Variants in DMD observed in about 807,000 individuals in gnomAD.
The protein encoded by DMD is dystrophin, also known as mutant dystrophin.
Under a neutral mutation model 330.1 loss-of-function variants are expected in DMD, and 63 were observed. The observed-to-expected ratio is 0.19, with a 90% CI of 0.16 to 0.24. The LOEUF is 0.24. Among genes scored for constraint, DMD ranks in the 10% least tolerant of loss-of-function variants. The pLI is 1.00. For missense variants in DMD, 3,344 were observed against 2,684.1 expected, an observed-to-expected ratio of 1.25 and a Z score of -5.43; for synonymous variants, 1,223 against 959.8, an observed-to-expected ratio of 1.27 and a Z score of -5.07.
Position 31,157,738 on chromosome X carries a change from T to C in DMD, c.10554-10220A>G, listed in dbSNP as rs1384727783. ...TTTCACTCCCTGGCATGCACTGCTA[T>C]ATACTCTTGCCATATATGATCCTAT... On this transcript the variant is annotated intron_variant, in intron 74 of 78. Coordinates refer to ENST00000357033, the MANE Select transcript of DMD (RefSeq NM_004006.3). Among the ~76,000 whole-genome samples the C allele has an allele frequency of 2.7e-5, 3 of 111,108 alleles. No individual in the cohort carries two copies. The East Asian group carries it at 8.4e-4, about 31-fold the overall frequency.
chrX:33,243,693 A>ATTAT (rs1371170411), intron 1 of DMD, among the ~76,000 whole-genome samples: 1 of 112,512 alleles, frequency 8.9e-6, no homozygotes, highest in Non-Finnish European at 1.9e-5. Flanking sequence ...ACAATAAAAC[A>ATTAT]TTATTTAGCC....
At chrX:31,568,027 T>C (rs2075563839) in intron 55 of DMD, among the ~76,000 whole-genome samples, 1 of 111,815 alleles carries the variant, frequency 8.9e-6, no homozygotes, top group African/African-American at 3.2e-5. Context: ...AACCTCCTCC[T>C]TGACCTGGGG....
rs1220963408 is a variant in DMD, at chrX:32,644,208, C to T, written c.1255G>A (p.Glu419Lys). Residue 419 changes from glutamate to lysine, a missense_variant, in exon 11 of 79, where the codon GAA becomes AAA. Transcript: ENST00000357033. The part of the protein sequence containing the change: ...TGKLSEDEET[E>K]VQEQMNLLNS... ...AGGAGATTCATCTGCTCTTGTACTT[C>T]AGTTTCTTCATCTTCTGATAATTTT... is the stretch of plus-strand genomic sequence containing the variant. The T allele has an allele frequency of 1.7e-6, 2 of 1,208,094 alleles. No individual in the cohort carries two copies.
rs1246394111 is a variant in DMD at position 32,173,066 on chromosome X, G to GGGGTGTGT, written c.6438+43849_6438+43850insACACACCC. Among the ~76,000 whole-genome samples, 186 of 89,623 alleles carry GGGGTGTGT rather than the reference G, an allele frequency of 2.1e-3. 2 individuals carry two copies. The highest frequency in any genetic ancestry group is 7.7e-3 in the African/African-American group (179 of 23,172). The allele number at this position is 89,623 out of a possible 115,157, so 77.8% of individuals were successfully genotyped here. On this transcript the variant is annotated intron_variant, in intron 44 of 78. Coordinates refer to ENST00000357033, the MANE Select transcript of DMD (RefSeq NM_004006.3). ...TTTTCAGCTTGTGATACCTGATTTT[G>GGGGTGTGT]GTGTGTGTGTGTGTGTGTGTGTGTG...
rs2052506840 is a variant in DMD at position 32,572,260 on chromosome X, A to G, written c.1812+1270T>C. Among the ~76,000 whole-genome samples, 4 of 111,975 alleles carry G rather than the reference A, an allele frequency of 3.6e-5. No homozygotes were observed. In the South Asian group the frequency reaches 1.5e-3, roughly 41 times the overall value. ...CAAAAAAAATGTATGAAACAAATAAATAGCTGGTAAAATGGTACGTATTTA... is the reference window on the plus strand; with the variant it reads ...CAAAAAAAATGTATGAAACAAATAAGTAGCTGGTAAAATGGTACGTATTTA... On this transcript the variant is annotated intron_variant, in intron 15 of 78. Coordinates refer to ENST00000357033, the MANE Select transcript of DMD (RefSeq NM_004006.3).
chrX:32,410,458 C>T (rs970114431), intron 30 of DMD, among the ~76,000 whole-genome samples: 8 of 111,839 alleles, frequency 7.2e-5, no homozygotes, highest in Non-Finnish European at 9.4e-5. Context: ...TATACTGTTG[C>T]CCAGAACACC....
chrX:32,152,814 C>T (rs911442769), intron 44 of DMD, among the ~76,000 whole-genome samples: 3 of 111,523 alleles, frequency 2.7e-5, no homozygotes, highest in East Asian at 2.8e-4. Flanking sequence ...GACTCTGGCA[C>T]GTTTAAACAT....
rs995468615 is a variant in DMD at position 33,042,648 on chromosome X, A to T, written c.32-22448T>A. Among the ~76,000 whole-genome samples the T allele has an allele frequency of 2.1e-4, 24 of 112,707 alleles. No homozygotes were observed. The Admixed American group carries it at 2.3e-3, about 11-fold the overall frequency. ...TTCATTGAACTCAGAGGAGAAAGTT[A>T]CTGGATTCCCAAAAGTAAGTGAAGG... On this transcript the variant is annotated intron_variant, in intron 1 of 78. Coordinates refer to ENST00000357033, the MANE Select transcript of DMD (RefSeq NM_004006.3).
intron 11 of DMD, among the ~76,000 whole-genome samples, chrX:32,629,503 A>T (rs953236833): frequency 1.8e-5 from 2 of 111,256 alleles, no homozygotes; most frequent in Non-Finnish European, 3.8e-5. Context: ...TGGATAGTTT[A>T]GTCAATTTAC....
intron 1 of DMD, among the ~76,000 whole-genome samples, chrX:33,027,369 C>T (rs1033468772): frequency 8.9e-6 from 1 of 112,094 alleles, no homozygotes; most frequent in Admixed American, 9.5e-5. Flanking sequence ...GACAGATTCT[C>T]CCCTGGAGCA....
intron 2 of DMD, among the ~76,000 whole-genome samples, chrX:32,850,769 C>T (rs1303950098): frequency 8.9e-6 from 1 of 111,865 alleles, no homozygotes; most frequent in African/African-American, 3.3e-5. Context: ...CTACAATCCC[C>T]TCATGAGGTA....
intron 44 of DMD, among the ~76,000 whole-genome samples, chrX:32,061,117 C>A (rs1052279128): frequency 1.8e-5 from 2 of 111,222 alleles, no homozygotes; most frequent in African/African-American, 3.3e-5. Flanking sequence ...CAATGAGAAC[C>A]ATAACCCCAG....
chrX:33,080,847 T>C (rs1014707179), intron 1 of DMD, among the ~76,000 whole-genome samples: 1 of 111,890 alleles, frequency 8.9e-6, no homozygotes, highest in Admixed American at 9.6e-5. Flanking sequence ...AAAATTGTCT[T>C]TATTGCCAAA....
At chrX:32,874,928 G>A (rs1234058035) in intron 2 of DMD, among the ~76,000 whole-genome samples, 1 of 111,502 alleles carries the variant, frequency 9.0e-6, no homozygotes, top group Non-Finnish European at 1.9e-5. Context: ...AATCTGTCTT[G>A]AACCCTCCAG....
intron 45 of DMD, among the ~76,000 whole-genome samples, chrX:31,944,473 A>G (rs1008720017): frequency 2.8e-5 from 3 of 107,801 alleles, no homozygotes. Context: ...ATTTTGAACA[A>G]TTACCACTTT....
At chrX:32,638,863 A>G (rs903639122) in intron 11 of DMD, among the ~76,000 whole-genome samples, 5 of 111,381 alleles carry the variant, frequency 4.5e-5, no homozygotes, top group Non-Finnish European at 9.4e-5. Flanking sequence ...CACATATGCC[A>G]TCTTATTTCC....
intron 12 of DMD, among the ~76,000 whole-genome samples, chrX:32,609,598 CCTT>C (rs1326562322): frequency 9.0e-6 from 1 of 111,133 alleles, no homozygotes; most frequent in African/African-American, 3.3e-5. Flanking sequence ...TATACCTAAT[CCTT>C]CTCTGTAACA....
chrX:31,743,395 C>A (rs1278553996), intron 51 of DMD, among the ~76,000 whole-genome samples: 1 of 112,474 alleles, frequency 8.9e-6, no homozygotes. Context: ...CACATGTATT[C>A]TCATCCTCAT....
At chrX:31,288,396 C>A (rs765690889) in intron 62 of DMD, among the ~76,000 whole-genome samples, 1 of 111,841 alleles carries the variant, frequency 8.9e-6, no homozygotes, top group South Asian at 3.8e-4. Context: ...CAATCTTTTT[C>A]AAAGGCTTAA....
Sources: allele counts gnomAD v4.1 joint callset (sites outside exome capture counted in the v4.1 genomes callset), GRCh38; gene constraint gnomAD v4.1.1; transcripts MANE v1.5; gene names NCBI Gene and HGNC (gene_info 2026-07-23, HGNC 2026-07-21).